AK9: variants seen among roughly 807,000 people sequenced by gnomAD.
AK9 encodes the protein adenylate kinase domain containing 1.
Under a neutral mutation model 239.6 loss-of-function variants are expected in AK9, and 191 were observed. That is an observed-to-expected ratio of 0.80 (90% CI 0.71 to 0.90). The LOEUF is 0.90. AK9 is among the 40% of genes least tolerant of loss of function. The pLI is 0.00. For synonymous variants in AK9, 689 were observed against 721.0 expected, an observed-to-expected ratio of 0.96 and a Z score of 0.71; for missense variants, 1,995 against 2,214.7, an observed-to-expected ratio of 0.90 and a Z score of 1.99.
intron 17 of AK9, among the ~76,000 whole-genome samples, chr6:109,602,150 G>T (rs566048003): frequency 6.6e-6 from 1 of 152,108 alleles, no homozygotes; most frequent in Non-Finnish European, 1.5e-5. Context: ...CTCATTAGTT[G>T]ATAGTTTCTT....
intron 12 of AK9, among the ~76,000 whole-genome samples, chr6:109,621,913 C>CCAAAGAAAAAAAAAAAAAAAAAAAA (rs1794882209): frequency 1.4e-5 from 1 of 70,296 alleles, no homozygotes; most frequent in Admixed American, 1.7e-4. Context: ...AAAAAAAAAA[C>CCAAAGAAAAAAAAAAAAAAAAAAAA]AAAAAAAAAA....
chr6:109,523,851 A>T (rs1780134651), intron 29 of AK9, among the ~76,000 whole-genome samples: 1 of 152,206 alleles, frequency 6.6e-6, no homozygotes, highest in Non-Finnish European at 1.5e-5. Flanking sequence ...GGCATGACAG[A>T]ATTTTAAAGT....
chr6:109,550,921 A>T (rs767467736), intron 24 of AK9, among the ~76,000 whole-genome samples: 1 of 152,166 alleles, frequency 6.6e-6, no homozygotes, highest in Non-Finnish European at 1.5e-5. Context: ...AAAATATTCA[A>T]AACACATCAC....
At chr6:109,626,362 T>C (rs1312433549) in intron 12 of AK9, among the ~76,000 whole-genome samples, 1 of 152,230 alleles carries the variant, frequency 6.6e-6, no homozygotes, top group African/African-American at 2.4e-5. Context: ...TTTCTTTGCA[T>C]GTCTTGTAAC....
At chr6:109,618,984 G>T in intron 13 of AK9, 108 bp downstream of exon 13, 1 of 1,240,982 alleles carries the variant, frequency 8.1e-7, no homozygotes. Context: ...TCTATAATGT[G>T]TAAAGTGCCA....
chr6:109,628,377 C>T (rs890430027), intron 12 of AK9, among the ~76,000 whole-genome samples: 10 of 152,200 alleles, frequency 6.6e-5, no homozygotes, highest in African/African-American at 2.4e-4. Flanking sequence ...GTGCAGGCTG[C>T]TTCAGAACTG....
intron 32 of AK9, among the ~76,000 whole-genome samples, chr6:109,510,989 G>A (rs1363690586): frequency 6.6e-6 from 1 of 150,864 alleles, no homozygotes; most frequent in Non-Finnish European, 1.5e-5. Flanking sequence ...ACTAATAACT[G>A]TCAAAGGTCA....
intron 27 of AK9, among the ~76,000 whole-genome samples, chr6:109,533,687 T>C (rs1212002144): frequency 2.6e-5 from 4 of 152,168 alleles, no homozygotes; most frequent in Admixed American, 2.6e-4. Context: ...AATGAATAGT[T>C]TAAAAATTTA....
intron 5 of AK9, among the ~76,000 whole-genome samples, chr6:109,663,137 T>C (rs1237544378): frequency 2.0e-5 from 3 of 152,202 alleles, no homozygotes; most frequent in Non-Finnish European, 4.4e-5. Flanking sequence ...ACACTATAAT[T>C]TTCTGTTTTT....
intron 27 of AK9, among the ~76,000 whole-genome samples, 195 bp from the exon 28 acceptor site, chr6:109,533,665 C>T (rs963732696): frequency 1.3e-5 from 2 of 151,946 alleles, no homozygotes; most frequent in Non-Finnish European, 2.9e-5. Context: ...TAAATATCAA[C>T]TATCTGTATG....
At chr6:109,641,256 C>T (rs560079972) in intron 10 of AK9, among the ~76,000 whole-genome samples, 2 of 149,562 alleles carry the variant, frequency 1.3e-5, no homozygotes, top group Admixed American at 6.7e-5. Context: ...GCAGCCTTAA[C>T]CTCCTGGGCT....
intron 1 of AK9, among the ~76,000 whole-genome samples, chr6:109,679,230 C>T (rs572557712): frequency 2.3e-4 from 35 of 152,300 alleles, no homozygotes; most frequent in African/African-American, 7.9e-4. Context: ...CTGCCAGCAC[C>T]GCAGTCTGAA....
chr6:109,642,577 T>C (rs1431244115), intron 9 of AK9, among the ~76,000 whole-genome samples: 1 of 152,148 alleles, frequency 6.6e-6, no homozygotes, highest in African/African-American at 2.4e-5. Context: ...GCCAGGCCCC[T>C]TGGAGCTTCT....
chr6:109,564,278 C>T lies in AK9; in HGVS notation c.2437G>A (p.Val813Ile), dbSNP rs1188601863. ...LEIEKLSETV[V>I]LPEFPEDSYP... ...GAGTCTTCTGGAAACTCAGGTAGTA[C>T]AACTTTGGAGTAAAAGACAAAGGAA... The change falls in exon 23 of 41, where the codon GTA becomes ATA. Residue 813 changes from valine to isoleucine, a missense_variant and splice_region_variant. By Grantham distance (29) the Val-to-Ile change is conservative. Around this residue, in one of 5 missense-constraint regions of AK9, gnomAD observed 1,290 missense variants for 1,392.7 expected, o/e 0.93. Transcript: ENST00000424296. 4.5e-6 allele frequency: 7 copies of T among 1,544,222 alleles called. No homozygotes were observed. Among genetic ancestry groups the T allele is most frequent in the Non-Finnish European group, 4.4e-6 (5 of 1,144,036 alleles).
chr6:109,550,171 G>T lies in AK9; in HGVS notation c.2883C>A (p.Ile961=). Residue 961 remains isoleucine, a synonymous_variant, in exon 25 of 41, where the codon ATC becomes ATA. Transcript: ENST00000424296. ...TAGCCTCAGCACTTGAAAAGTAGTA[G>T]ATCTTTTCTCGATACTTGGCTGCTT... ...TEEAAKYREK[I]YYFSSAEAKE... is the part of the protein sequence containing the mutation. 6.2e-7 allele frequency: 1 copy of T among 1,613,828 alleles called. No individual in the cohort carries two copies. Among genetic ancestry groups the T allele is most frequent in the Non-Finnish European group, 8.5e-7 (1 of 1,179,982 alleles).
Position 109,675,651 on chromosome 6 carries a change from C to T in AK9, c.95G>A (p.Cys32Tyr). 1 of 1,569,700 alleles carries T rather than the reference C, an allele frequency of 6.4e-7. No individual in the cohort carries two copies. Among genetic ancestry groups the T allele is most frequent in the Admixed American group, 1.9e-5 (1 of 53,452 alleles). ...TACTGGTTTCCCAAATACAACAAAG[C>T]AAACAGGTTTGGACAACAAAAAATT... is the stretch of plus-strand genomic sequence containing the variant. ...ERNFLLSKPVCFVVFGKPGVG... is the reference protein window; with the variant it reads ...ERNFLLSKPVYFVVFGKPGVG... Residue 32 changes from cysteine to tyrosine, a missense_variant, in exon 2 of 41, where the codon TGC becomes TAC. This residue lies in a region of AK9 where 252 missense variants were observed against 246.4 expected (regional missense o/e 1.02). Coordinates refer to ENST00000424296, the MANE Select transcript of AK9 (RefSeq NM_001145128.3).
At chr6:109,516,146 T>C in intron 30 of AK9, 71 bp from the exon 31 acceptor site, 2 of 1,285,596 alleles carry the variant, frequency 1.6e-6, no homozygotes, top group Non-Finnish European at 2.2e-6. Context: ...TCACAGCATG[T>C]AGACACTGCT....
intron 1 of AK9, among the ~76,000 whole-genome samples, chr6:109,679,920 G>A (rs1772368576): frequency 6.6e-6 from 1 of 152,118 alleles, no homozygotes; most frequent in Non-Finnish European, 1.5e-5. Flanking sequence ...CAACAAAAAG[G>A]ACGTCCACTC....
In AK9 at chr6:109,508,539, G is replaced by T. The variant is rs117561519; in HGVS notation, c.4481+640C>A. 1.1e-3 allele frequency among the ~76,000 whole-genome samples: 172 copies of T among 152,262 alleles called. 1 individual carries two copies. In the East Asian group the frequency reaches 0.029, roughly 26 times the overall value. The stretch of plus-strand genomic sequence containing the variant: ...TTCAAGGACTTAATTATGGGTCACA[G>T]ACAAGGAAAGTCAAAGAGGCTTCTA... On this transcript the variant is annotated intron_variant, in intron 33 of 40. Coordinates refer to ENST00000424296, the MANE Select transcript of AK9 (RefSeq NM_001145128.3).
Sources: allele counts gnomAD v4.1 joint callset (sites outside exome capture counted in the v4.1 genomes callset), GRCh38; gene constraint gnomAD v4.1.1; regional missense constraint gnomAD v4.1.1; transcripts MANE v1.5; gene names NCBI Gene and HGNC (gene_info 2026-07-23, HGNC 2026-07-21).